Variants in PHF2 observed in about 807,000 individuals in gnomAD.
The protein encoded by PHF2 is PHD finger protein 2.
PHF2 carries 27 observed loss-of-function variants against 120.5 expected under a neutral mutation model. That is an observed-to-expected ratio of 0.22 (90% CI 0.17 to 0.31). The LOEUF (loss-of-function observed/expected upper bound fraction) is 0.31. Ranked by LOEUF, PHF2 falls within the 10% of genes least tolerant of loss-of-function variation. PHF2 has a pLI of 1.00. For synonymous variants in PHF2, 568 were observed against 592.5 expected, an observed-to-expected ratio of 0.96 and a Z score of 0.60; for missense variants, 1,024 against 1,434.8, an observed-to-expected ratio of 0.71 and a Z score of 4.63.
At chr9:93,666,575 G>A (rs1022498734) in intron 16 of PHF2, among the ~76,000 whole-genome samples, 1 of 152,224 alleles carries the variant, frequency 6.6e-6, no homozygotes, top group Non-Finnish European at 1.5e-5. Context: ...CCAGCCCGTC[G>A]GCTCCAGGGG....
chr9:93,669,179 G>A (rs545004599), intron 17 of PHF2, among the ~76,000 whole-genome samples: 6 of 152,344 alleles, frequency 3.9e-5, no homozygotes, highest in African/African-American at 1.4e-4. Flanking sequence ...CCTCGTAGTG[G>A]GTGTCCCTGG....
chr9:93,577,781 G>C (rs1235632475), intron 1 of PHF2, among the ~76,000 whole-genome samples: 1 of 152,190 alleles, frequency 6.6e-6, no homozygotes, highest in Admixed American at 6.5e-5. Flanking sequence ...GCCATGACCT[G>C]GCCCCATGCC....
At position 93,656,719 on chromosome 9, in the gene PHF2, T is replaced by C; in HGVS notation, c.1147+124T>C. 3 of 678,336 alleles carry C rather than the reference T, an allele frequency of 4.4e-6. No individual in the cohort carries two copies. The highest frequency in any genetic ancestry group is 5.2e-6 in the Non-Finnish European group (2 of 381,044). 42.0% of individuals were successfully genotyped at this position (678,336 alleles called of 1,614,324 possible). The stretch of plus-strand genomic sequence containing the variant: ...TTCCTGTGGCCTGAGCAAGTCCTCT[T>C]GGGACTCAGACCCCTGGGGCTCAGT... On this transcript the variant is annotated intron_variant, in intron 9 of 21. Coordinates refer to ENST00000359246, the MANE Select transcript of PHF2 (RefSeq NM_005392.4). The surrounding 1 kb of genome is among the most constrained non-coding windows in gnomAD (Gnocchi z 4.1).
At chr9:93,618,248 C>T (rs1825758299) in intron 1 of PHF2, among the ~76,000 whole-genome samples, 1 of 152,242 alleles carries the variant, frequency 6.6e-6, no homozygotes, top group African/African-American at 2.4e-5. Flanking sequence ...GCACCTGTGC[C>T]ACTTGAACAC....
At chr9:93,589,456 A>G (rs1863127502) in intron 1 of PHF2, among the ~76,000 whole-genome samples, 1 of 152,060 alleles carries the variant, frequency 6.6e-6, no homozygotes, top group South Asian at 2.1e-4. Context: ...CGCTTGCCCC[A>G]CGCCCACATT....
At position 93,645,764 on chromosome 9, in the gene PHF2, T is replaced by A; in HGVS notation, c.435T>A (p.Tyr145Ter). Reference protein sequence around the residue: ...LGLAVPAPTFYVSDVENYVGP... With the variant: ...LGLAVPAPTF ...TGGCTGTCCCGGCCCCCACGTTCTA[T>A]GTCAGTGACGTCGAGAACTACGTGG... The change falls in exon 4 of 22, where the codon TAT becomes TAA. Residue 145 changes from tyrosine (Y) to a stop codon, truncating the protein, a stop_gained. Coordinates refer to ENST00000359246, the MANE Select transcript of PHF2 (RefSeq NM_005392.4). LOFTEE classifies it high-confidence loss of function. The A allele has an allele frequency of 6.2e-7, 1 of 1,605,674 alleles. No individual in the cohort carries two copies.
rs1024856062 is a variant in PHF2, at chr9:93,637,059, C to T, written c.299+534C>T. On this transcript the variant is annotated intron_variant, in intron 3 of 21. Transcript: ENST00000359246. ...GGGGAGGCACCTCTGAGCTGCCCTG[C>T]AGCCGTTCATGAGCTGGAGTCAGTT... Among the ~76,000 whole-genome samples the T allele has an allele frequency of 3.3e-5, 5 of 152,388 alleles. No individual in the cohort carries two copies. In the East Asian group the frequency reaches 9.6e-4, roughly 29 times the overall value.
At chr9:93,638,128 C>CT (rs952560449) in intron 3 of PHF2, among the ~76,000 whole-genome samples, 79 of 145,300 alleles carry the variant, frequency 5.4e-4, no homozygotes, top group East Asian at 1.4e-3. Flanking sequence ...AATTTTTTTG[C>CT]TTTTTTTTTT....
rs1826094980 is a variant in PHF2, at chr9:93,636,478, T to C, written c.252T>C (p.Asn84=). 6.2e-7 allele frequency: 1 copy of C among 1,608,120 alleles called. No homozygotes were observed. Among genetic ancestry groups the C allele is most frequent in the Non-Finnish European group, 8.5e-7 (1 of 1,177,654 alleles). ...CGCCTGACGTCAAGCCCGTGCAGAA[T>C]GGCAGCCAGCTCTTCATCAAGGAGC... The part of the protein sequence containing the change: ...GQAPDVKPVQ[N]GSQLFIKELR... Residue 84 remains asparagine (N), a synonymous_variant, in exon 3 of 22, where the codon AAT becomes AAC. Coordinates refer to ENST00000359246, the MANE Select transcript of PHF2 (RefSeq NM_005392.4).
intron 17 of PHF2, among the ~76,000 whole-genome samples, chr9:93,673,271 T>G (rs894306380): frequency 7.9e-5 from 12 of 151,878 alleles, no homozygotes; most frequent in African/African-American, 2.2e-4. Flanking sequence ...GACCAGTGCG[T>G]GACCATATGA....
chr9:93,660,258 G>C lies in PHF2; in HGVS notation c.1396G>C (p.Asp466His). 1 of 1,608,714 alleles carries C rather than the reference G, an allele frequency of 6.2e-7. No individual in the cohort carries two copies. The highest frequency in any genetic ancestry group is 8.5e-7 in the Non-Finnish European group (1 of 1,178,388). The change falls in exon 12 of 22, where the codon GAC becomes CAC. Residue 466 changes from aspartate to histidine, a missense_variant. By Grantham distance (81) the Asp-to-His change is moderately conservative (BLOSUM62 -1). Transcript: ENST00000359246. ...VASSDEVCDGDREKEEPPSPI... is the reference protein window; with the variant it reads ...VASSDEVCDGHREKEEPPSPI... ...CTCGTCAGATGAGGTGTGTGACGGG[G>C]ACCGGGAGAAGGAGGAGCCCCCGTC...
At chr9:93,586,418 A>G (rs1863045140) in intron 1 of PHF2, among the ~76,000 whole-genome samples, 1 of 152,240 alleles carries the variant, frequency 6.6e-6, no homozygotes, top group Admixed American at 6.5e-5. Context: ...GCACTTCTGG[A>G]TGCCACCCTG....
intron 1 of PHF2, among the ~76,000 whole-genome samples, chr9:93,620,355 G>A (rs2131638749): frequency 6.6e-6 from 1 of 152,364 alleles, no homozygotes; most frequent in African/African-American, 2.4e-5. Flanking sequence ...CTGGGGCAGG[G>A]GCAGCAGGTG....
rs561226606 is a variant in PHF2, at chr9:93,577,115, G to C, written c.98+244G>C. ...CGCCCCTGGCCGCCGCGCACAAAGC[G>C]AGGCCCGCGGGCCGGGAGGTGGGCT... On this transcript the variant is annotated intron_variant, in intron 1 of 21. Coordinates refer to ENST00000359246, the MANE Select transcript of PHF2 (RefSeq NM_005392.4). Among the ~76,000 whole-genome samples, 15 of 148,532 alleles carry C rather than the reference G, an allele frequency of 1.0e-4. No homozygotes were observed. In the East Asian group the frequency reaches 2.6e-3, roughly 26 times the overall value.
rs749869355 is a variant in PHF2 at position 93,656,044 on chromosome 9, C to T, written c.1040+23C>T. 5 of 1,593,170 alleles carry T rather than the reference C, an allele frequency of 3.1e-6. No homozygotes were observed. The highest frequency in any genetic ancestry group is 1.1e-5 in the South Asian group (1 of 88,858). Reference sequence around the variant, plus strand: ...GAGGTAGTGCCTGCCGCGCTGTCTGCCCTCGGGCTCCGCAGAGCAGCGTCC... The same window carrying T: ...GAGGTAGTGCCTGCCGCGCTGTCTGTCCTCGGGCTCCGCAGAGCAGCGTCC... On this transcript the variant is annotated intron_variant, in intron 8 of 21. Coordinates refer to ENST00000359246, the MANE Select transcript of PHF2 (RefSeq NM_005392.4). This position sits in a 1 kb window ranked among gnomAD's most constrained non-coding sequence, Gnocchi z 4.1.
intron 1 of PHF2, among the ~76,000 whole-genome samples, chr9:93,619,748 A>C (rs1825794132): frequency 6.6e-6 from 1 of 152,208 alleles, no homozygotes; most frequent in African/African-American, 2.4e-5. Context: ...TTCGGCCAAC[A>C]AGCTTCTGTT....
chr9:93,647,413 G>A (rs957142557), intron 4 of PHF2, among the ~76,000 whole-genome samples: 2 of 152,098 alleles, frequency 1.3e-5, no homozygotes, highest in Non-Finnish European at 2.9e-5. Flanking sequence ...GAGATGGTTC[G>A]TCGTTTGTGT....
intron 1 of PHF2, among the ~76,000 whole-genome samples, chr9:93,578,495 C>T (rs910091743): frequency 1.3e-5 from 2 of 152,242 alleles, no homozygotes; most frequent in African/African-American, 2.4e-5. Flanking sequence ...CCTTCTCCCC[C>T]ATCTCCACCG....
intron 1 of PHF2, among the ~76,000 whole-genome samples, chr9:93,612,323 T>C (rs574772478): frequency 1.0e-4 from 14 of 139,468 alleles, no homozygotes; most frequent in African/African-American, 3.3e-4. Context: ...TTTTTACTAA[T>C]GTGTGTGTTT....
Sources: gnomAD v4.1 joint callset for allele counts (sites outside exome capture counted in the v4.1 genomes callset) on GRCh38, gnomAD v4.1.1 for gene constraint, Gnocchi (gnomAD v3.1) non-coding constraint, MANE v1.5 for transcripts, NCBI Gene and HGNC (gene_info 2026-07-23, HGNC 2026-07-21) for gene names.